Variants in PDE4D observed in about 807,000 individuals in gnomAD.
The protein encoded by PDE4D is phosphodiesterase 4D.
PDE4D carries 24 observed loss-of-function variants against 87.4 expected under a neutral mutation model. The observed-to-expected ratio is 0.27, with a 90% CI of 0.20 to 0.39. The LOEUF (loss-of-function observed/expected upper bound fraction) is 0.39, where lower values mean the gene tolerates loss of function less well. PDE4D is among the 10% of genes least tolerant of loss of function. PDE4D has a pLI of 1.00. For missense variants in PDE4D, 714 were observed against 1,041.0 expected (o/e 0.69, Z 4.32); for synonymous variants, 384 against 383.2 (o/e 1.00, Z -0.02).
intron 5 of PDE4D, among the ~76,000 whole-genome samples, chr5:59,125,717 G>C (rs545123606): frequency 2.5e-4 from 38 of 152,290 alleles, no homozygotes; most frequent in African/African-American, 7.2e-4. Flanking sequence ...TAGACAGGGA[G>C]GGTTGGGCAG....
intron 6 of PDE4D, among the ~76,000 whole-genome samples, chr5:59,030,818 A>G (rs992104999): frequency 6.6e-6 from 1 of 152,174 alleles, no homozygotes; most frequent in Non-Finnish European, 1.5e-5. Context: ...GCCTGTTAGA[A>G]TGACTATTTT....
chr5:59,142,163 A>G (rs537672558), intron 5 of PDE4D, among the ~76,000 whole-genome samples: 16 of 152,344 alleles, frequency 1.1e-4, no homozygotes, highest in African/African-American at 3.8e-4. Context: ...CAGGCAATAG[A>G]GCCCCTAAAT....
chr5:59,808,826 C>A (rs1215050074), intron 1 of PDE4D, among the ~76,000 whole-genome samples: 1 of 152,032 alleles, frequency 6.6e-6, no homozygotes, highest in Non-Finnish European at 1.5e-5. Flanking sequence ...TGGCCTCACA[C>A]CAAAATGTAC....
intron 1 of PDE4D, among the ~76,000 whole-genome samples, chr5:59,596,251 CAT>C (rs1010774676): frequency 3.2e-4 from 48 of 148,268 alleles, no homozygotes; most frequent in African/African-American, 1.1e-3. Context: ...ATGTATATTA[CAT>C]ATATATATAC....
At chr5:60,481,455 A>C (rs1208601478) in intron 1 of PDE4D, among the ~76,000 whole-genome samples, 2 of 152,118 alleles carry the variant, frequency 1.3e-5, no homozygotes, top group Non-Finnish European at 2.9e-5. Context: ...GAAACTATAA[A>C]CCAAGCTTAT....
At chr5:59,649,581 G>A (rs1192986247) in intron 1 of PDE4D, among the ~76,000 whole-genome samples, 1 of 151,988 alleles carries the variant, frequency 6.6e-6, no homozygotes, top group Non-Finnish European at 1.5e-5. Flanking sequence ...GGCCAAAGGG[G>A]AGATTGTAGA....
intron 1 of PDE4D, among the ~76,000 whole-genome samples, chr5:59,858,250 T>G (rs559829243): frequency 1.3e-5 from 2 of 152,214 alleles, no homozygotes; most frequent in South Asian, 4.2e-4. Flanking sequence ...TCCTACTTGA[T>G]GCTCTCATAG....
intron 6 of PDE4D, among the ~76,000 whole-genome samples, chr5:59,009,577 G>GA (rs1380250013): frequency 1.3e-5 from 2 of 152,072 alleles, no homozygotes; most frequent in Non-Finnish European, 2.9e-5. Flanking sequence ...AATCAGCACT[G>GA]GACGTGGGGT....
chr5:60,316,344 A>G (rs1378467093), intron 1 of PDE4D, among the ~76,000 whole-genome samples: 2 of 152,300 alleles, frequency 1.3e-5, no homozygotes, highest in East Asian at 3.9e-4. Context: ...TTGTATCCTG[A>G]GACTTTGCTG....
chr5:59,193,019 G>T (rs1358595942), intron 3 of PDE4D, among the ~76,000 whole-genome samples: 1 of 152,134 alleles, frequency 6.6e-6, no homozygotes, highest in East Asian at 1.9e-4. Flanking sequence ...ATGTCATGTG[G>T]TTAAAGTATT....
chr5:59,233,737 C>G (rs1422555874), intron 1 of PDE4D, among the ~76,000 whole-genome samples: 2 of 152,106 alleles, frequency 1.3e-5, no homozygotes, highest in African/African-American at 4.8e-5. Flanking sequence ...ATTTCATTGC[C>G]ACCTTAGAGA....
In PDE4D at chr5:59,010,689, T is replaced by C. The variant is rs369278551; in HGVS notation, c.922-17224A>G. Among the ~76,000 whole-genome samples, 168 of 152,204 alleles carry C rather than the reference T, an allele frequency of 1.1e-3. 3 individuals are homozygous for C. Among genetic ancestry groups the C allele is most frequent in the African/African-American group, 3.8e-3 (158 of 41,554 alleles). On this transcript the variant is annotated intron_variant, in intron 6 of 14. Transcript: ENST00000340635. ...TAAAGTAGGTATAGCTGGGGGAGGT[T>C]CCAAGATGGCCAAATAGGAACAGCT...
intron 2 of PDE4D, among the ~76,000 whole-genome samples, chr5:60,073,326 A>T (rs1772931211): frequency 6.6e-6 from 1 of 152,080 alleles, no homozygotes; most frequent in African/African-American, 2.4e-5. Context: ...TGATTTGTGT[A>T]TGTTGAACCA....
At chr5:60,154,183 C>A (rs1032258442) in intron 2 of PDE4D, among the ~76,000 whole-genome samples, 1 of 152,006 alleles carries the variant, frequency 6.6e-6, no homozygotes, top group Non-Finnish European at 1.5e-5. Context: ...GAGATCATAT[C>A]AGGAGATATT....
chr5:59,479,499 A>AT, intron 1 of PDE4D, among the ~76,000 whole-genome samples: 1 of 152,180 alleles, frequency 6.6e-6, no homozygotes, highest in East Asian at 1.9e-4. Context: ...ATAATTCCAA[A>AT]TTTCCCATTT....
At chr5:59,938,279 A>G (rs937902100) in intron 3 of PDE4D, among the ~76,000 whole-genome samples, 1 of 152,138 alleles carries the variant, frequency 6.6e-6, no homozygotes, top group Non-Finnish European at 1.5e-5. Flanking sequence ...TAGAAGTGCC[A>G]ATTAAAGGTG....
At chr5:59,248,666 C>CT (rs11412067) in intron 1 of PDE4D, among the ~76,000 whole-genome samples, 7,160 of 151,844 alleles carry the variant, frequency 0.047, 562 homozygotes, top group African/African-American at 0.16. Context: ...CACCAGAGTT[C>CT]TTTTTTTTCT....
intron 1 of PDE4D, among the ~76,000 whole-genome samples, chr5:59,334,911 CAT>C (rs1777409931): frequency 6.6e-6 from 1 of 152,056 alleles, no homozygotes; most frequent in African/African-American, 2.4e-5. Context: ...GTTACTGGTA[CAT>C]ATGTTTTTCC....
intron 1 of PDE4D, among the ~76,000 whole-genome samples, chr5:59,398,176 T>C (rs1789865913): frequency 7.1e-6 from 1 of 140,684 alleles, no homozygotes; most frequent in Non-Finnish European, 1.5e-5. Flanking sequence ...TACCATTCCT[T>C]CTGAAACTAT....
Sources: gnomAD v4.1 joint callset for allele counts (sites outside exome capture counted in the v4.1 genomes callset) on GRCh38, gnomAD v4.1.1 for gene constraint, MANE v1.5 for transcripts, NCBI Gene and HGNC (gene_info 2026-07-23, HGNC 2026-07-21) for gene names.